Variants in SAMD4A observed in about 807,000 individuals in gnomAD.
SAMD4A encodes the protein sterile alpha motif domain containing 4A.
SAMD4A carries 33 observed loss-of-function variants against 81.3 expected under a neutral mutation model. That is an observed-to-expected ratio of 0.41 (90% CI 0.31 to 0.54). The LOEUF (loss-of-function observed/expected upper bound fraction) is 0.54, where lower values mean the gene tolerates loss of function less well. Ranked by LOEUF, SAMD4A falls within the 20% of genes least tolerant of loss-of-function variation. The pLI, the probability that SAMD4A is intolerant of heterozygous loss-of-function variation, is 0.37. For synonymous variants in SAMD4A, 389 were observed against 382.1 expected (o/e 1.02, Z -0.21); for missense variants, 854 against 951.1 (o/e 0.90, Z 1.34).
At chr14:54,748,684 A>G in intron 4 of SAMD4A, 131 bp from the exon 5 acceptor site, 5 of 640,236 alleles carry the variant, frequency 7.8e-6, no homozygotes, top group Non-Finnish European at 1.4e-5. Context: ...TAGTAACATA[A>G]AGGTGTTACT....
At chr14:54,710,678 T>TGTG (rs772371169) in intron 3 of SAMD4A, among the ~76,000 whole-genome samples, 2 of 152,162 alleles carry the variant, frequency 1.3e-5, no homozygotes, top group Admixed American at 6.6e-5. Context: ...TATGAGACCC[T>TGTG]GCCTGAATTG....
At chr14:54,572,249 G>C (rs1234693721) in intron 2 of SAMD4A, among the ~76,000 whole-genome samples, 1 of 152,134 alleles carries the variant, frequency 6.6e-6, no homozygotes, top group Non-Finnish European at 1.5e-5. Context: ...GGCCTACTGG[G>C]AGCATTGTGA....
intron 2 of SAMD4A, among the ~76,000 whole-genome samples, chr14:54,654,939 A>T (rs996512122): frequency 2.0e-5 from 3 of 152,216 alleles, no homozygotes; most frequent in African/African-American, 7.2e-5. Context: ...GTTGATTTTT[A>T]TTCTCTTAGA....
intron 2 of SAMD4A, among the ~76,000 whole-genome samples, chr14:54,634,524 C>T (rs1260553229): frequency 6.6e-6 from 1 of 152,036 alleles, no homozygotes; most frequent in East Asian, 1.9e-4. Context: ...CAACCTAGAT[C>T]CCTTGCATGC....
chr14:54,755,755 G>C (rs748765966), intron 6 of SAMD4A, among the ~76,000 whole-genome samples: 7 of 152,162 alleles, frequency 4.6e-5, no homozygotes, highest in Admixed American at 3.9e-4. Flanking sequence ...CAAGATACGT[G>C]GTGGAAAAGG....
chr14:54,649,501 C>A (rs749584699), intron 2 of SAMD4A, among the ~76,000 whole-genome samples: 2 of 152,134 alleles, frequency 1.3e-5, no homozygotes, highest in Non-Finnish European at 2.9e-5. Context: ...GCTTTGGGAA[C>A]AAGAAGGAGA....
chr14:54,630,138 G>A (rs926702287), intron 2 of SAMD4A, among the ~76,000 whole-genome samples: 1 of 152,222 alleles, frequency 6.6e-6, no homozygotes, highest in Admixed American at 6.5e-5. Flanking sequence ...GCTATGAACA[G>A]GGGTTTACAA....
At chr14:54,708,766 A>G (rs1329902468) in intron 3 of SAMD4A, among the ~76,000 whole-genome samples, 1 of 152,210 alleles carries the variant, frequency 6.6e-6, no homozygotes, top group Non-Finnish European at 1.5e-5. Context: ...GATGAAGACC[A>G]AGGATTGACC....
rs1307655974 is a variant in SAMD4A at position 54,573,668 on chromosome 14, A to G, written c.196+5556A>G. Among the ~76,000 whole-genome samples the G allele has an allele frequency of 3.3e-5, 5 of 152,188 alleles. No homozygotes were observed. The East Asian group carries it at 9.6e-4, about 29-fold the overall frequency. On this transcript the variant is annotated intron_variant, in intron 2 of 12. Coordinates refer to ENST00000554335, the MANE Select transcript of SAMD4A (RefSeq NM_015589.6). ...TTCATCTCTCCTGATCATTCCTTCC[A>G]AGGCCTCACTGAGCTCATCCAATTC...
At chr14:54,695,768 C>T (rs2036559306) in intron 2 of SAMD4A, among the ~76,000 whole-genome samples, 1 of 151,970 alleles carries the variant, frequency 6.6e-6, no homozygotes, top group Non-Finnish European at 1.5e-5. Flanking sequence ...GCCTAGCCAA[C>T]ATGGTGAAAC....
At chr14:54,654,802 C>T (rs1461732108) in intron 2 of SAMD4A, among the ~76,000 whole-genome samples, 2 of 152,196 alleles carry the variant, frequency 1.3e-5, no homozygotes, top group Non-Finnish European at 2.9e-5. Flanking sequence ...ACTTGGGAAC[C>T]ACCAGCCTTC....
intron 2 of SAMD4A, among the ~76,000 whole-genome samples, chr14:54,672,905 T>C (rs1450826714): frequency 1.3e-5 from 2 of 152,182 alleles, no homozygotes; most frequent in East Asian, 1.9e-4. Context: ...AATATCACCG[T>C]GTTAACAGTT....
chr14:54,786,252 G>A (rs2039137935), intron 12 of SAMD4A, among the ~76,000 whole-genome samples: 1 of 152,202 alleles, frequency 6.6e-6, no homozygotes, highest in Admixed American at 6.5e-5. Flanking sequence ...GGACCACAGA[G>A]CGTATGATTC....
chr14:54,729,786 T>C (rs8021281), intron 3 of SAMD4A, among the ~76,000 whole-genome samples: 26,015 of 152,188 alleles, frequency 0.17, 2,312 homozygotes, highest in Middle Eastern at 0.31. Flanking sequence ...GAAGTTGTCA[T>C]TGGTTTTGAT....
chr14:54,662,192 G>A (rs141184402), intron 2 of SAMD4A, among the ~76,000 whole-genome samples: 2 of 152,314 alleles, frequency 1.3e-5, no homozygotes, highest in East Asian at 3.9e-4. Context: ...CTCCAGCATA[G>A]TTAAGGTAGA....
chr14:54,707,024 T>A (rs913979787), intron 3 of SAMD4A, among the ~76,000 whole-genome samples: 1 of 151,852 alleles, frequency 6.6e-6, no homozygotes, highest in Admixed American at 6.6e-5. Flanking sequence ...GGAGCACGTA[T>A]GGAGCAGAAG....
In SAMD4A at chr14:54,760,372, C is replaced by A; in HGVS notation, c.1388C>A (p.Pro463His). Reference protein sequence around the residue: ...GAAATGATATPSAGASGGLQP... With the variant: ...GAAATGATATHSAGASGGLQP... ...GCAGCCACTGGCGCCACGGCCACCC[C>A]CTCGGCCGGGGCCAGCGGGGGGCTC... is the stretch of plus-strand genomic sequence containing the variant. Residue 463 changes from proline (P) to histidine (H), a missense_variant, in exon 7 of 13, where the codon CCC (proline) becomes CAC (histidine). By Grantham distance (77) the Pro-to-His change is moderately conservative (BLOSUM62 -2). This residue lies in a region of SAMD4A where 428 missense variants were observed against 471.2 expected (regional missense o/e 0.91). Transcript: ENST00000554335. 6.4e-7 allele frequency: 1 copy of A among 1,555,324 alleles called. No individual in the cohort carries two copies. Among genetic ancestry groups the A allele is most frequent in the Non-Finnish European group, 8.6e-7 (1 of 1,159,982 alleles).
chr14:54,598,023 C>T (rs1376428364), intron 2 of SAMD4A, among the ~76,000 whole-genome samples: 1 of 152,200 alleles, frequency 6.6e-6, no homozygotes, highest in Non-Finnish European at 1.5e-5. Flanking sequence ...AGAGTGAGTT[C>T]TGTCTTGGAA....
intron 6 of SAMD4A, 68 bp from the exon 7 acceptor site, chr14:54,760,093 G>C: frequency 6.7e-7 from 1 of 1,501,308 alleles, no homozygotes; most frequent in Non-Finnish European, 9.1e-7. Flanking sequence ...GGCAGGGGAG[G>C]GCAGGTACGG....
Sources: allele counts gnomAD v4.1 joint callset (sites outside exome capture counted in the v4.1 genomes callset), GRCh38; gene constraint gnomAD v4.1.1; regional missense constraint gnomAD v4.1.1; transcripts MANE v1.5; gene names NCBI Gene and HGNC (gene_info 2026-07-23, HGNC 2026-07-21).